Variants in EPHA6 observed in about 807,000 individuals in gnomAD.
The protein encoded by EPHA6 is EPH receptor A6.
In EPHA6, 50 loss-of-function variants were observed where a neutral mutation model predicts 112.0. That is an observed-to-expected ratio of 0.45 (90% CI 0.36 to 0.56). The LOEUF (loss-of-function observed/expected upper bound fraction) is 0.56. Among genes scored for constraint, EPHA6 ranks in the 20% least tolerant of loss-of-function variants. The pLI, the probability that EPHA6 is intolerant of heterozygous loss-of-function variation, is 0.00. For synonymous variants in EPHA6, 529 were observed against 490.7 expected, an observed-to-expected ratio of 1.08 and a Z score of -1.03; for missense variants, 1,280 against 1,417.4, an observed-to-expected ratio of 0.90 and a Z score of 1.56.
At chr3:97,695,918 G>A (rs968345840) in intron 14 of EPHA6, among the ~76,000 whole-genome samples, 1 of 152,138 alleles carries the variant, frequency 6.6e-6, no homozygotes, top group African/African-American at 2.4e-5. Flanking sequence ...CTTTGTTGTT[G>A]AGTGACAGCT....
chr3:97,494,753 G>A (rs529271892), intron 10 of EPHA6, among the ~76,000 whole-genome samples: 58 of 151,812 alleles, frequency 3.8e-4, no homozygotes, highest in African/African-American at 1.1e-3. Context: ...ACTGGTACTC[G>A]TTCTGCAAAA....
chr3:96,965,562 T>C (rs2107765416), intron 2 of EPHA6, among the ~76,000 whole-genome samples: 1 of 152,268 alleles, frequency 6.6e-6, no homozygotes, highest in Middle Eastern at 3.4e-3. Flanking sequence ...ATGTAGTTTA[T>C]ATTTTTTCTT....
chr3:96,931,186 G>A (rs1359522665), intron 2 of EPHA6, among the ~76,000 whole-genome samples: 2 of 152,002 alleles, frequency 1.3e-5, no homozygotes, highest in African/African-American at 4.8e-5. Context: ...TGTCTTAGAT[G>A]GAAATTAGAG....
At chr3:97,276,181 A>C (rs1484008879) in intron 5 of EPHA6, among the ~76,000 whole-genome samples, 2 of 152,088 alleles carry the variant, frequency 1.3e-5, no homozygotes, top group Non-Finnish European at 2.9e-5. Flanking sequence ...TGTGAGAGTT[A>C]CCCGAAGCCT....
rs746924199 is a variant in EPHA6, at chr3:96,922,938, A to G, written c.450+56049A>G. Among the ~76,000 whole-genome samples, 13 of 152,176 alleles carry G rather than the reference A, an allele frequency of 8.5e-5. 1 individual carries two copies. In the East Asian group the frequency reaches 9.6e-4, roughly 11 times the overall value. On this transcript the variant is annotated intron_variant, in intron 2 of 17. Transcript: ENST00000389672. ...CTGTTTGTGTGTTAGTTTGCTTCCA[A>G]TTCCATTCATGTCTTTGCAAAGGAC...
At chr3:97,039,181 C>G (rs1175849294) in intron 3 of EPHA6, among the ~76,000 whole-genome samples, 1 of 151,776 alleles carries the variant, frequency 6.6e-6, no homozygotes, top group Non-Finnish European at 1.5e-5. Context: ...AACAAGAAGG[C>G]CTAAGACTCA....
At chr3:96,893,768 CA>C (rs1311124470) in intron 2 of EPHA6, among the ~76,000 whole-genome samples, 4 of 152,162 alleles carry the variant, frequency 2.6e-5, no homozygotes, top group African/African-American at 9.6e-5. Flanking sequence ...ATGACTAAAG[CA>C]AAAAGATTGT....
chr3:96,954,887 G>A (rs1006928736), intron 2 of EPHA6, among the ~76,000 whole-genome samples: 29 of 145,312 alleles, frequency 2.0e-4, no homozygotes, highest in Admixed American at 7.3e-4. Flanking sequence ...TCCGCTTCCC[G>A]GGTTCACGCC....
intron 2 of EPHA6, among the ~76,000 whole-genome samples, chr3:96,875,605 T>A (rs1031752463): frequency 1.3e-5 from 2 of 152,112 alleles, no homozygotes; most frequent in African/African-American, 4.8e-5. Context: ...GAATATGTAA[T>A]CACCCTTGTA....
chr3:97,190,118 C>A (rs1375687139), intron 3 of EPHA6, among the ~76,000 whole-genome samples: 3 of 152,054 alleles, frequency 2.0e-5, no homozygotes, highest in Non-Finnish European at 4.4e-5. Flanking sequence ...TTTGGGTAAT[C>A]CAAATATCCA....
intron 5 of EPHA6, among the ~76,000 whole-genome samples, chr3:97,337,712 A>C (rs1304126533): frequency 1.3e-5 from 2 of 152,208 alleles, no homozygotes; most frequent in Non-Finnish European, 2.9e-5. Flanking sequence ...AAATGAGTCC[A>C]TCAGCCCCGA....
chr3:96,912,195 A>G (rs2039253455), intron 2 of EPHA6, among the ~76,000 whole-genome samples: 1 of 152,136 alleles, frequency 6.6e-6, no homozygotes, highest in Non-Finnish European at 1.5e-5. Flanking sequence ...GACCAATTGA[A>G]TAGGATTATA....
intron 5 of EPHA6, among the ~76,000 whole-genome samples, chr3:97,362,565 T>C (rs1271487947): frequency 1.3e-5 from 2 of 152,086 alleles, no homozygotes; most frequent in African/African-American, 2.4e-5. Flanking sequence ...TGAGAGAAAG[T>C]GTAATTGTTA....
chr3:96,815,091 T>C, intron 1 of EPHA6, 83 bp downstream of exon 1: 1 of 1,343,380 alleles, frequency 7.4e-7, no homozygotes, highest in Non-Finnish European at 9.9e-7. Flanking sequence ...CTCCTGCAGG[T>C]AACTTTGTAC....
chr3:97,321,876 G>C (rs1403602909), intron 5 of EPHA6, among the ~76,000 whole-genome samples: 1 of 152,034 alleles, frequency 6.6e-6, no homozygotes, highest in Non-Finnish European at 1.5e-5. Flanking sequence ...TCAAGGCTCA[G>C]TGTAAAATGA....
chr3:97,737,515 TG>T (rs1179570567), intron 16 of EPHA6, among the ~76,000 whole-genome samples: 1 of 151,976 alleles, frequency 6.6e-6, no homozygotes, highest in East Asian at 1.9e-4. Context: ...TGTTTGAATA[TG>T]GAGGGAGGGA....
chr3:97,268,113 G>T (rs1395772841), intron 5 of EPHA6, among the ~76,000 whole-genome samples: 2 of 152,134 alleles, frequency 1.3e-5, no homozygotes, highest in Non-Finnish European at 1.5e-5. Flanking sequence ...TTGCAAAGAT[G>T]CCAGCTACAC....
At chr3:97,502,956 T>C (rs917833517) in intron 10 of EPHA6, among the ~76,000 whole-genome samples, 1 of 146,468 alleles carries the variant, frequency 6.8e-6, no homozygotes, top group Non-Finnish European at 1.5e-5. Context: ...TTCCTTAAAA[T>C]ACTAATAAAA....
chr3:97,722,227 G>A (rs183997661), intron 15 of EPHA6, among the ~76,000 whole-genome samples: 76 of 152,192 alleles, frequency 5.0e-4, no homozygotes, highest in Admixed American at 2.3e-3. Context: ...TCCATAGATG[G>A]CATATGTATA....
Sources: allele counts gnomAD v4.1 joint callset (sites outside exome capture counted in the v4.1 genomes callset), GRCh38; gene constraint gnomAD v4.1.1; transcripts MANE v1.5; gene names NCBI Gene and HGNC (gene_info 2026-07-23, HGNC 2026-07-21).